Variants in AMN1 observed in about 807,000 individuals in gnomAD.
AMN1 encodes protein AMN1 homolog.
AMN1 carries 20 observed loss-of-function variants against 33.0 expected under a neutral mutation model. The observed-to-expected ratio is 0.61, with a 90% CI of 0.43 to 0.88. The LOEUF is 0.88. AMN1 is among the 40% of genes least tolerant of loss of function. The pLI is 0.00. For synonymous variants in AMN1, 114 were observed against 111.9 expected (o/e 1.02, Z -0.12); for missense variants, 246 against 307.4 (o/e 0.80, Z 1.49).
intron 6 of AMN1, chr12:31,673,665 C>A: frequency 2.3e-6 from 1 of 427,366 alleles, no homozygotes; most frequent in Admixed American, 2.7e-5. Flanking sequence ...ACAAAGACAT[C>A]ACATGAAAAA....
chr12:31,681,660 C>T (rs7968792), intron 6 of AMN1, among the ~76,000 whole-genome samples: 96,208 of 152,036 alleles, frequency 0.63, 30,956 homozygotes, highest in East Asian at 0.87. Context: ...ATGGGATCAG[C>T]GTTCGTTTTA....
chr12:31,709,186 A>T, intron 2 of AMN1, 107 bp downstream of exon 2: 1 of 1,333,252 alleles, frequency 7.5e-7, no homozygotes, highest in Non-Finnish European at 1.0e-6. Context: ...AAAAAAAAAA[A>T]TTAAAAATGA....
intron 3 of AMN1, among the ~76,000 whole-genome samples, chr12:31,700,728 T>C (rs1736907932): frequency 6.6e-6 from 1 of 152,144 alleles, no homozygotes; most frequent in African/African-American, 2.4e-5. Context: ...CTTGCTCTGT[T>C]GCTCAGGCTG....
chr12:31,725,925 C>T (rs1443826377), intron 1 of AMN1, among the ~76,000 whole-genome samples: 1 of 152,150 alleles, frequency 6.6e-6, no homozygotes, highest in African/African-American at 2.4e-5. Flanking sequence ...TCTCGAACTC[C>T]TGACCTCAAG....
At chr12:31,685,763 T>C (rs1380250352) in intron 6 of AMN1, among the ~76,000 whole-genome samples, 1 of 130,006 alleles carries the variant, frequency 7.7e-6, no homozygotes, top group African/African-American at 2.9e-5. Context: ...ATTGCACCAC[T>C]GCACTCCAGC....
At position 31,720,269 on chromosome 12, in the gene AMN1, G is replaced by C. The variant is rs955369840; in HGVS notation, c.38+8702C>G. The stretch of plus-strand genomic sequence containing the variant: ...TAAGAAGTCAGTCCCTGCCGGGTGT[G>C]GTGGCTCCCACCTGTAATCCCAGTA... On this transcript the variant is annotated intron_variant, in intron 1 of 6. Transcript: ENST00000281471. Among the ~76,000 whole-genome samples, 8 of 152,314 alleles carry C rather than the reference G, an allele frequency of 5.3e-5. No homozygotes were observed. In the East Asian group the frequency reaches 1.2e-3, roughly 22 times the overall value.
intron 1 of AMN1, among the ~76,000 whole-genome samples, chr12:31,721,804 G>T (rs980001173): frequency 2.0e-5 from 3 of 152,148 alleles, no homozygotes; most frequent in Non-Finnish European, 4.4e-5. Flanking sequence ...TCACAGCAGA[G>T]AATCAGACAG....
intron 2 of AMN1, among the ~76,000 whole-genome samples, chr12:31,704,781 T>C (rs967372319): frequency 1.3e-5 from 2 of 152,204 alleles, no homozygotes; most frequent in Non-Finnish European, 2.9e-5. Flanking sequence ...CTTGTTTTTC[T>C]ATCTCATTCA....
chr12:31,700,126 GC>G (rs1049851631), intron 3 of AMN1, among the ~76,000 whole-genome samples: 14 of 151,076 alleles, frequency 9.3e-5, no homozygotes, highest in African/African-American at 3.4e-4. Context: ...ATTCTAAGAG[GC>G]CAAAAAAGTC....
intron 1 of AMN1, among the ~76,000 whole-genome samples, chr12:31,719,569 A>G (rs1939805088): frequency 6.6e-6 from 1 of 152,192 alleles, no homozygotes. Flanking sequence ...CTCTTTAGAG[A>G]CTTCAAAGAC....
At chr12:31,680,020 G>A (rs1937924509) in intron 6 of AMN1, among the ~76,000 whole-genome samples, 1 of 151,074 alleles carries the variant, frequency 6.6e-6, no homozygotes, top group Admixed American at 6.6e-5. Flanking sequence ...CAACTCAGGA[G>A]GCTGAGACAG....
At chr12:31,688,819 TTAAAATAAAA>T (rs57472294) in intron 6 of AMN1, among the ~76,000 whole-genome samples, 178 bp downstream of exon 6, 6 of 151,200 alleles carry the variant, frequency 4.0e-5, no homozygotes, top group African/African-American at 1.5e-4. Flanking sequence ...TCCCAAAAAA[TTAAAATAAAA>T]TAAAATAAAA....
At chr12:31,694,461 A>AC (rs1938636327) in intron 5 of AMN1, among the ~76,000 whole-genome samples, 1 of 151,234 alleles carries the variant, frequency 6.6e-6, no homozygotes, top group South Asian at 2.1e-4. Flanking sequence ...AAAAAAAAAA[A>AC]TTAAGGCCAG....
intron 1 of AMN1, among the ~76,000 whole-genome samples, chr12:31,710,766 C>T (rs1483929147): frequency 6.6e-6 from 1 of 152,188 alleles, no homozygotes; most frequent in Non-Finnish European, 1.5e-5. Flanking sequence ...TATTTAGTGA[C>T]TTGTATGCTG....
At position 31,683,579 on chromosome 12, in the gene AMN1, A is replaced by G. The variant is rs1291509072; in HGVS notation, c.703+5428T>C. Reference sequence around the variant, plus strand: ...GTCTTTCCTGTGCTGTTCTTATGATAGTAAATAAGTCTCATGAGATCTGAT... The same window carrying G: ...GTCTTTCCTGTGCTGTTCTTATGATGGTAAATAAGTCTCATGAGATCTGAT... On this transcript the variant is annotated intron_variant, in intron 6 of 6. Transcript: ENST00000281471. The surrounding 1 kb of genome is among the most constrained non-coding windows in gnomAD (Gnocchi z 4.1). Among the ~76,000 whole-genome samples, 1 of 151,424 alleles carries G rather than the reference A, an allele frequency of 6.6e-6. No individual in the cohort carries two copies. The highest frequency in any genetic ancestry group is 1.5e-5 in the Non-Finnish European group (1 of 67,616).
chr12:31,673,574 A>C, intron 6 of AMN1: 1 of 399,832 alleles, frequency 2.5e-6, no homozygotes, highest in Non-Finnish European at 4.9e-6. Context: ...AACCATGACA[A>C]AGCTGGGTGG....
chr12:31,701,878 A>C lies in AMN1; in HGVS notation c.301T>G (p.Ser101Ala), dbSNP rs762909823. 6.2e-7 allele frequency: 1 copy of C among 1,600,910 alleles called. No homozygotes were observed. The highest frequency in any genetic ancestry group is 1.8e-5 in the Admixed American group (1 of 55,834). Residue 101 changes from serine (S) to alanine (A), a missense_variant, in exon 3 of 7, where the codon TCT becomes GCT. Physicochemically the swap from Ser to Ala is moderately conservative, Grantham distance 99 (BLOSUM62 1). Coordinates refer to ENST00000281471, the MANE Select transcript of AMN1 (RefSeq NM_001113402.2). ...ATAAACATACCTTCTGAAGTTACAG[A>C]AACTCGGTTCCCTTTTGAAGCATTT... ...NLNASKGNRV[S>A]VTSEGIKAVA...
At chr12:31,727,299 T>G (rs1940113669) in intron 1 of AMN1, among the ~76,000 whole-genome samples, 1 of 152,228 alleles carries the variant, frequency 6.6e-6, no homozygotes, top group South Asian at 2.1e-4. Context: ...TGTAACAGTC[T>G]TCTAAGTGTC....
intron 1 of AMN1, among the ~76,000 whole-genome samples, chr12:31,716,162 T>A (rs1184200509): frequency 2.0e-5 from 3 of 152,380 alleles, no homozygotes; most frequent in Non-Finnish European, 4.4e-5. Flanking sequence ...ATCTGTATCG[T>A]TACATGTAGC....
Sources: allele counts gnomAD v4.1 joint callset (sites outside exome capture counted in the v4.1 genomes callset), GRCh38; gene constraint gnomAD v4.1.1; non-coding constraint Gnocchi (gnomAD v3.1); transcripts MANE v1.5; gene names NCBI Gene and HGNC (gene_info 2026-07-23, HGNC 2026-07-21).